LTA4H: variants seen among roughly 807,000 people sequenced by gnomAD.
LTA4H encodes leukotriene A-4 hydrolase.
In LTA4H, 59 loss-of-function variants were observed where a neutral mutation model predicts 89.8. The ratio of observed to expected loss-of-function variants is 0.66; its 90% CI spans 0.53 to 0.82. The LOEUF (loss-of-function observed/expected upper bound fraction) is 0.82, where lower values mean the gene tolerates loss of function less well. Among genes scored for constraint, LTA4H ranks in the 40% least tolerant of loss-of-function variants. LTA4H has a pLI of 0.00. For missense variants in LTA4H, 617 were observed against 727.0 expected (o/e 0.85, Z 1.74); for synonymous variants, 227 against 253.1 (o/e 0.90, Z 0.98).
chr12:96,038,401 T>G (rs1250264984), upstream of LTA4H, among the ~76,000 whole-genome samples: 2 of 152,144 alleles, frequency 1.3e-5, no homozygotes, highest in East Asian at 3.9e-4. Context: ...TTTTCGGATT[T>G]TTTTGGCAAA....
At chr12:96,016,730 A>T (rs1163548072) in intron 10 of LTA4H, among the ~76,000 whole-genome samples, 11 of 151,822 alleles carry the variant, frequency 7.2e-5, no homozygotes, top group Admixed American at 7.2e-4. Context: ...GTGAAACCCC[A>T]TCTCTACTAA....
At chr12:96,037,856 T>G (rs531389478), upstream of LTA4H, among the ~76,000 whole-genome samples, 10 of 152,116 alleles carry the variant, frequency 6.6e-5, no homozygotes, top group East Asian at 5.8e-4. Flanking sequence ...GACTAATTTT[T>G]TGTGTGTGTA....
At chr12:96,042,504 A>C (rs1013071073) in intron 1 of LTA4H, among the ~76,000 whole-genome samples, 3 of 152,054 alleles carry the variant, frequency 2.0e-5, no homozygotes, top group African/African-American at 7.3e-5. Flanking sequence ...AGGAGACAAG[A>C]TAAGGATAAT....
At chr12:96,028,152 T>C (rs1200243143) in intron 2 of LTA4H, among the ~76,000 whole-genome samples, 1 of 152,194 alleles carries the variant, frequency 6.6e-6, no homozygotes, top group Non-Finnish European at 1.5e-5. Context: ...TTGAAGAGGA[T>C]AGAAATTGGT....
At chr12:96,026,833 G>C (rs1281614915) in intron 3 of LTA4H, among the ~76,000 whole-genome samples, 2 of 152,150 alleles carry the variant, frequency 1.3e-5, no homozygotes, top group East Asian at 3.8e-4. Context: ...TCAGAAGACA[G>C]TTTGAAATGT....
rs1302896011 is a variant in LTA4H at position 96,022,908 on chromosome 12, T to A, written c.481-657A>T. 6.6e-6 allele frequency among the ~76,000 whole-genome samples: 1 copy of A among 152,174 alleles called. No homozygotes were observed. Among genetic ancestry groups the A allele is most frequent in the East Asian group, 1.9e-4 (1 of 5,196 alleles). On this transcript the variant is annotated intron_variant, in intron 4 of 18. Transcript: ENST00000228740. The surrounding 1 kb of genome is among the most constrained non-coding windows in gnomAD (Gnocchi z 4.0). The stretch of plus-strand genomic sequence containing the variant: ...CAATTTTGTTTTGAAAACACACACT[T>A]GGAGTTACAAATAGAGGAACATTTT...
At chr12:96,015,870 C>T (rs902283494) in intron 10 of LTA4H, among the ~76,000 whole-genome samples, 176 bp from the exon 11 acceptor site, 2 of 152,170 alleles carry the variant, frequency 1.3e-5, no homozygotes, top group African/African-American at 4.8e-5. Context: ...GGAAGCCCAG[C>T]CCAGCAGATG....
intron 1 of LTA4H, among the ~76,000 whole-genome samples, chr12:96,042,474 C>G (rs1950695243): frequency 6.6e-6 from 1 of 151,956 alleles, no homozygotes; most frequent in African/African-American, 2.4e-5. Context: ...AAGGAACTCC[C>G]CAAACCTCCA....
chr12:96,015,828 T>G (rs1950366211), intron 10 of LTA4H, 134 bp from the exon 11 acceptor site: 2 of 624,260 alleles, frequency 3.2e-6, no homozygotes, highest in East Asian at 2.7e-5. Flanking sequence ...CTAAGCCGAC[T>G]CTGGCTCCCA....
chr12:96,006,524 A>G (rs1320826339), intron 15 of LTA4H, 115 bp from the exon 16 acceptor site: 2 of 551,818 alleles, frequency 3.6e-6, no homozygotes, highest in African/African-American at 3.8e-5. Context: ...GAACAAGATT[A>G]TTCAAAATAA....
chr12:96,005,781 C>T (rs1244848609), intron 16 of LTA4H, among the ~76,000 whole-genome samples: 3 of 152,154 alleles, frequency 2.0e-5, no homozygotes, highest in Non-Finnish European at 1.5e-5. Flanking sequence ...TGGAGTTTCA[C>T]TCTGTTGCTC....
intron 1 of LTA4H, among the ~76,000 whole-genome samples, chr12:96,034,462 G>A (rs571469481): frequency 6.6e-6 from 1 of 152,310 alleles, no homozygotes; most frequent in South Asian, 2.1e-4. Flanking sequence ...TGGTTATAGA[G>A]TTTGTAGAAG....
At chr12:96,031,875 C>G (rs952154118) in intron 1 of LTA4H, among the ~76,000 whole-genome samples, 1 of 152,094 alleles carries the variant, frequency 6.6e-6, no homozygotes, top group African/African-American at 2.4e-5. Flanking sequence ...TTAAAAAAAG[C>G]TTTATGCCTC....
rs925582504 is a variant in LTA4H at position 96,027,567 on chromosome 12, G to A, written c.291-3C>T. Reference sequence around the variant, plus strand: ...TTTCTATAACAATTTCTTGATTTCTGTATGAAACACATAAATATATTAGTA... The same window carrying A: ...TTTCTATAACAATTTCTTGATTTCTATATGAAACACATAAATATATTAGTA... On this transcript the variant is annotated splice_polypyrimidine_tract_variant and splice_region_variant and intron_variant, in intron 2 of 18. Coordinates refer to ENST00000228740, the MANE Select transcript of LTA4H (RefSeq NM_000895.3). The A allele has an allele frequency of 1.3e-6, 2 of 1,553,206 alleles. No individual in the cohort carries two copies. The highest frequency in any genetic ancestry group is 2.2e-5 in the East Asian group (1 of 44,484).
At chr12:96,035,866 A>G (rs1401582318), upstream of LTA4H, among the ~76,000 whole-genome samples, 1 of 152,174 alleles carries the variant, frequency 6.6e-6, no homozygotes, top group Non-Finnish European at 1.5e-5. Flanking sequence ...AGGGGGAGAT[A>G]AAACTGAACA....
At position 96,035,051 on chromosome 12, in the gene LTA4H, C is replaced by T. The variant is rs141465140; in HGVS notation, c.159+310G>A. 3.7e-3 allele frequency among the ~76,000 whole-genome samples: 561 copies of T among 152,162 alleles called. 4 individuals are homozygous for T. The highest frequency in any genetic ancestry group is 0.02 in the Middle Eastern group (6 of 294). On this transcript the variant is annotated intron_variant, in intron 1 of 18. Transcript: ENST00000228740. The stretch of plus-strand genomic sequence containing the variant: ...GGCTGGGTGAGTTGAGAGGAGTGGA[C>T]GAGGCGCTGGATGTGCCCAGGGACC...
At chr12:96,039,554 T>C (rs1462555850), upstream of LTA4H, among the ~76,000 whole-genome samples, 1 of 152,220 alleles carries the variant, frequency 6.6e-6, no homozygotes, top group Non-Finnish European at 1.5e-5. Context: ...TGCTGTTGGC[T>C]TTTGTCTATT....
At chr12:96,035,218 G>C (rs1382182715) in intron 1 of LTA4H, 143 bp downstream of exon 1, 4 of 788,956 alleles carry the variant, frequency 5.1e-6, no homozygotes, top group Non-Finnish European at 7.9e-6. Flanking sequence ...GAGTTGGATG[G>C]AGGCTACAGA....
intron 1 of LTA4H, among the ~76,000 whole-genome samples, chr12:96,035,056 C>T (rs143402027): frequency 6.6e-6 from 1 of 152,176 alleles, no homozygotes; most frequent in Non-Finnish European, 1.5e-5. Flanking sequence ...GTGGACGAGG[C>T]GCTGGATGTG....
Sources: allele counts gnomAD v4.1 joint callset (sites outside exome capture counted in the v4.1 genomes callset), GRCh38; gene constraint gnomAD v4.1.1; non-coding constraint Gnocchi (gnomAD v3.1); transcripts MANE v1.5; gene names NCBI Gene and HGNC (gene_info 2026-07-23, HGNC 2026-07-21).